MMP26: variants seen among roughly 807,000 people sequenced by gnomAD.
MMP26 encodes the protein matrix metalloproteinase-26.
In MMP26, 33 loss-of-function variants were observed where a neutral mutation model predicts 31.0. That is an observed-to-expected ratio of 1.06 (90% confidence interval 0.81 to 1.42). MMP26 has a LOEUF of 1.42. Among genes scored for constraint, MMP26 ranks in the 40% most tolerant of loss-of-function variants. The pLI, the probability that MMP26 is intolerant of heterozygous loss-of-function variation, is 0.00. For missense variants in MMP26, 347 were observed against 316.1 expected, an observed-to-expected ratio of 1.10 and a Z score of -0.74; for synonymous variants, 122 against 114.9, an observed-to-expected ratio of 1.06 and a Z score of -0.40.
intron 2 of MMP26, among the ~76,000 whole-genome samples, chr11:4,836,109 A>T (rs1414281180): frequency 6.6e-6 from 1 of 152,114 alleles, no homozygotes; most frequent in Non-Finnish European, 1.5e-5. Context: ...CTTACATTTA[A>T]TCTATAAATA....
chr11:4,753,136 C>T (rs945627475), intron 1 of MMP26, among the ~76,000 whole-genome samples: 3 of 152,042 alleles, frequency 2.0e-5, no homozygotes, highest in Non-Finnish European at 2.9e-5. Flanking sequence ...CCCGTGTAAC[C>T]GTGCCCAAGA....
chr11:4,834,132 C>A (rs1681040028), intron 2 of MMP26, among the ~76,000 whole-genome samples: 1 of 152,118 alleles, frequency 6.6e-6, no homozygotes. Flanking sequence ...ATCATCTAGG[C>A]TCAACACAGC....
At chr11:4,733,860 C>T (rs1378676833) in intron 1 of MMP26, among the ~76,000 whole-genome samples, 2 of 152,106 alleles carry the variant, frequency 1.3e-5, no homozygotes, top group African/African-American at 4.8e-5. Flanking sequence ...TTTTGTTCTA[C>T]ATTGTTGAGT....
At chr11:4,742,516 T>C (rs1049818730) in intron 1 of MMP26, among the ~76,000 whole-genome samples, 5 of 152,204 alleles carry the variant, frequency 3.3e-5, no homozygotes, top group African/African-American at 1.2e-4. Context: ...TTAAACATTA[T>C]TTCTGGGTAT....
intron 2 of MMP26, among the ~76,000 whole-genome samples, chr11:4,931,752 A>G (rs1257574298): frequency 2.6e-5 from 4 of 152,064 alleles, no homozygotes; most frequent in African/African-American, 9.7e-5. Flanking sequence ...GTTTTGGGTC[A>G]CTTGCATTAA....
chr11:4,710,089 A>G (rs779407282), intron 1 of MMP26: 20 of 456,660 alleles, frequency 4.4e-5, no homozygotes, highest in Non-Finnish European at 7.0e-5. Flanking sequence ...TGCCGTAGTC[A>G]TGTGCTCCAC....
chr11:4,824,102 A>G (rs940235033), intron 2 of MMP26, among the ~76,000 whole-genome samples: 1 of 152,098 alleles, frequency 6.6e-6, no homozygotes, highest in Admixed American at 6.6e-5. Context: ...ACATACTGGT[A>G]GTAGCATTGT....
chr11:4,838,935 CCT>C (rs539870948), intron 2 of MMP26, among the ~76,000 whole-genome samples: 24 of 152,234 alleles, frequency 1.6e-4, no homozygotes, highest in Middle Eastern at 3.4e-3. Flanking sequence ...CCGCGCTGCC[CCT>C]GTCATCAGGC....
intron 2 of MMP26, among the ~76,000 whole-genome samples, chr11:4,867,403 T>C (rs1850250776): frequency 6.8e-6 from 1 of 147,510 alleles, no homozygotes. Context: ...TTTTTTTTTT[T>C]TTTTTTTGAT....
Position 4,781,464 on chromosome 11 carries a change from G to A in MMP26, c.-145+14123G>A, listed in dbSNP as rs1367342003. Among the ~76,000 whole-genome samples the A allele has an allele frequency of 1.4e-4, 16 of 110,732 alleles. 4 individuals carry two copies. Among genetic ancestry groups the A allele is most frequent in the Admixed American group, 2.6e-4 (3 of 11,648 alleles). 72.6% of individuals were successfully genotyped at this position (110,732 alleles called of 152,430 possible). On this transcript the variant is annotated intron_variant, in intron 2 of 7. Transcript: ENST00000380390. ...CGGGAGGCTGAGGCAGGAGAATGGC[G>A]TGAACCCGGGAAGCGGAGCTTGCAG...
Position 4,990,674 on chromosome 11 carries a change from A to C in MMP26, c.397A>C (p.Asn133His). The C allele has an allele frequency of 6.2e-7, 1 of 1,614,152 alleles. No homozygotes were observed. The highest frequency in any genetic ancestry group is 8.5e-7 in the Non-Finnish European group (1 of 1,179,994). The change falls in exon 5 of 8, where the codon AAT becomes CAT. Residue 133 changes from asparagine to histidine, a missense_variant. By Grantham distance (68) the Asn-to-His change is moderately conservative (BLOSUM62 1). Transcript: ENST00000380390. ...SIYNAVSIWS[N>H]VTPLIFQQVQ... is the part of the protein sequence containing the mutation. ...ATATAATGCAGTTTCCATCTGGAGC[A>C]ATGTGACCCCTTTGATATTCCAGCA...
intron 2 of MMP26, chr11:4,924,060 T>C (rs1376435034): frequency 1.2e-6 from 2 of 1,614,018 alleles, no homozygotes; most frequent in Non-Finnish European, 1.7e-6. Context: ...GGGATGCCAA[T>C]CTCTCTGGTA....
chr11:4,877,177 T>C (rs2133532685), intron 2 of MMP26: 1 of 152,348 alleles, frequency 6.6e-6, no homozygotes, highest in African/African-American at 2.4e-5. Flanking sequence ...GCTGTGATCT[T>C]CATCATTGTA....
intron 5 of MMP26, 114 bp downstream of exon 5, chr11:4,990,860 C>G: frequency 8.9e-7 from 1 of 1,118,350 alleles, no homozygotes; most frequent in Non-Finnish European, 1.2e-6. Context: ...GAAAAAAAGT[C>G]TGACAAAACC....
intron 2 of MMP26, among the ~76,000 whole-genome samples, chr11:4,981,872 A>G (rs561749208): frequency 2.0e-5 from 3 of 151,646 alleles, no homozygotes; most frequent in African/African-American, 7.3e-5. Flanking sequence ...CATAAACACT[A>G]CATTGCCTAG....
In MMP26 at chr11:4,822,095, G is replaced by T. The variant is rs778076767; in HGVS notation, c.-145+54754G>T. Reference sequence around the variant, plus strand: ...CTGCTCTCCTATATCCTGATCATTCGATCTGTCCTCAGCATTGCTTCCTCA... The same window carrying T: ...CTGCTCTCCTATATCCTGATCATTCTATCTGTCCTCAGCATTGCTTCCTCA... On this transcript the variant is annotated intron_variant, in intron 2 of 7. Transcript: ENST00000380390. 4.6e-5 allele frequency: 75 copies of T among 1,613,026 alleles called. No homozygotes were observed. The South Asian group carries it at 7.2e-4, about 16-fold the overall frequency.
chr11:4,788,585 A>T (rs570048005), intron 2 of MMP26, among the ~76,000 whole-genome samples: 1 of 151,714 alleles, frequency 6.6e-6, no homozygotes, highest in East Asian at 1.9e-4. Context: ...AGAAGCATTA[A>T]TTTTTTTTTA....
chr11:4,814,767 C>G (rs80191705), intron 2 of MMP26, among the ~76,000 whole-genome samples: 2,234 of 152,160 alleles, frequency 0.015, 31 homozygotes, highest in South Asian at 0.033. Flanking sequence ...TAAACCAACC[C>G]TTAATAATGT....
At chr11:4,805,900 C>T (rs1168332295) in intron 2 of MMP26, among the ~76,000 whole-genome samples, 1 of 152,158 alleles carries the variant, frequency 6.6e-6, no homozygotes, top group Non-Finnish European at 1.5e-5. Context: ...TCTTACCCAA[C>T]ACTTTTTCAC....
Sources: gnomAD v4.1 joint callset for allele counts (sites outside exome capture counted in the v4.1 genomes callset) on GRCh38, gnomAD v4.1.1 for gene constraint, MANE v1.5 for transcripts, NCBI Gene and HGNC (gene_info 2026-07-23, HGNC 2026-07-21) for gene names.